The following BABAM2 variants were observed in gnomAD, a reference collection of about 807,000 sequenced individuals.
BABAM2 encodes the protein BRISC and BRCA1-A complex member 2.
Under a neutral mutation model 54.7 loss-of-function variants are expected in BABAM2, and 31 were observed. That is an observed-to-expected ratio of 0.57 (90% CI 0.43 to 0.77). BABAM2 has a LOEUF of 0.77. Among genes scored for constraint, BABAM2 ranks in the 30% least tolerant of loss-of-function variants. The probability of loss-of-function intolerance (pLI) is 0.00; values close to 1 mark genes in which losing one functional copy is unlikely to be tolerated. For synonymous variants in BABAM2, 167 were observed against 162.9 expected (o/e 1.03, Z -0.19); for missense variants, 364 against 455.8 (o/e 0.80, Z 1.83).
chr2:28,110,444 C>T (rs753629324), intron 6 of BABAM2, among the ~76,000 whole-genome samples: 2 of 151,556 alleles, frequency 1.3e-5, no homozygotes, highest in African/African-American at 2.4e-5. Context: ...GCCAACAAGG[C>T]GAAACCCCAT....
At chr2:28,310,046 G>A (rs1558520055) in intron 11 of BABAM2, 1 of 1,598,486 alleles carries the variant, frequency 6.3e-7, no homozygotes, top group Non-Finnish European at 8.6e-7. Context: ...CTTTTGAAAA[G>A]TATCTTAAAG....
intron 7 of BABAM2, among the ~76,000 whole-genome samples, chr2:28,204,432 G>A (rs188801461): frequency 6.6e-6 from 1 of 152,070 alleles, no homozygotes. Flanking sequence ...GCAAACCTTC[G>A]GGAGAAGTAT....
intron 7 of BABAM2, among the ~76,000 whole-genome samples, chr2:28,181,306 T>G (rs1675600809): frequency 6.6e-6 from 1 of 151,934 alleles, no homozygotes; most frequent in African/African-American, 2.4e-5. Context: ...CCATAAAGAG[T>G]GAAATTCTGT....
chr2:27,962,817 T>A (rs1476883171), intron 3 of BABAM2, among the ~76,000 whole-genome samples: 1 of 152,226 alleles, frequency 6.6e-6, no homozygotes, highest in Non-Finnish European at 1.5e-5. Context: ...GTCATCTAAT[T>A]TACTACCTAT....
At chr2:28,278,777 G>A (rs974001087) in intron 10 of BABAM2, among the ~76,000 whole-genome samples, 11 of 152,272 alleles carry the variant, frequency 7.2e-5, no homozygotes, top group African/African-American at 2.4e-4. Flanking sequence ...AGCAGCAGAG[G>A]GGTGAGATGA....
chr2:27,941,632 G>T (rs1036494475), intron 3 of BABAM2, among the ~76,000 whole-genome samples: 9 of 151,904 alleles, frequency 5.9e-5, no homozygotes, highest in Admixed American at 2.0e-4. Context: ...TTGTGACAGA[G>T]TGAAGAAGTC....
chr2:28,092,348 A>G (rs757629946), intron 6 of BABAM2, among the ~76,000 whole-genome samples: 16 of 152,354 alleles, frequency 1.1e-4, no homozygotes, highest in Non-Finnish European at 1.9e-4. Flanking sequence ...TTGCTAGGAC[A>G]AAGAGTGAAT....
intron 7 of BABAM2, among the ~76,000 whole-genome samples, chr2:28,152,905 G>A (rs13405885): frequency 0.62 from 94,139 of 151,966 alleles, 29,723 homozygotes; most frequent in Middle Eastern, 0.73. Flanking sequence ...TTTCTTGCCA[G>A]TGGTTCAGTC....
chr2:28,209,615 A>T (rs1180211746), intron 7 of BABAM2, among the ~76,000 whole-genome samples: 2 of 152,128 alleles, frequency 1.3e-5, no homozygotes, highest in Non-Finnish European at 2.9e-5. Context: ...TTGTCATGTT[A>T]CTCATCCATT....
chr2:28,081,262 T>C (rs1336347789), intron 6 of BABAM2, among the ~76,000 whole-genome samples: 2 of 152,182 alleles, frequency 1.3e-5, no homozygotes, highest in Non-Finnish European at 2.9e-5. Flanking sequence ...ATGTGCTTCT[T>C]CTCACAGCCC....
At chr2:27,949,271 G>A (rs1324599770) in intron 3 of BABAM2, among the ~76,000 whole-genome samples, 1 of 152,170 alleles carries the variant, frequency 6.6e-6, no homozygotes, top group African/African-American at 2.4e-5. Flanking sequence ...GGTGGCTTAC[G>A]CCTGTAATCC....
chr2:27,952,130 T>G (rs890404133), intron 3 of BABAM2, among the ~76,000 whole-genome samples: 1 of 152,244 alleles, frequency 6.6e-6, no homozygotes, highest in Non-Finnish European at 1.5e-5. Flanking sequence ...CTTGGAAATG[T>G]TGTTTGCCTT....
Position 28,304,781 on chromosome 2 carries a change from C to G in BABAM2, c.1088+6290C>G, listed in dbSNP as rs1227003114. On this transcript the variant is annotated intron_variant, in intron 11 of 11. Coordinates refer to ENST00000379624, the MANE Select transcript of BABAM2 (RefSeq NM_199191.3). The surrounding 1 kb of genome is among the most constrained non-coding windows in gnomAD (Gnocchi z 4.0). Reference sequence around the variant, plus strand: ...TTTTTTAGTAGAGACGGAGTTTTACCATGTTGCCCAGGCTGGTCTCGAACT... The same window carrying G: ...TTTTTTAGTAGAGACGGAGTTTTACGATGTTGCCCAGGCTGGTCTCGAACT... Among the ~76,000 whole-genome samples, 1 of 151,944 alleles carries G rather than the reference C, an allele frequency of 6.6e-6. No individual in the cohort carries two copies. Among genetic ancestry groups the G allele is most frequent in the East Asian group, 1.9e-4 (1 of 5,188 alleles).
chr2:28,257,709 C>A (rs1033670050), intron 10 of BABAM2, among the ~76,000 whole-genome samples: 2 of 152,010 alleles, frequency 1.3e-5, no homozygotes, highest in Admixed American at 1.3e-4. Context: ...CATTGCAAGA[C>A]CCTTTCTCTA....
chr2:28,326,572 G>A (rs1407078595), intron 11 of BABAM2, among the ~76,000 whole-genome samples: 1 of 152,180 alleles, frequency 6.6e-6, no homozygotes, highest in African/African-American at 2.4e-5. Flanking sequence ...AGCCATTCCT[G>A]CCTCTCATCA....
At chr2:27,963,278 T>C (rs1193344664) in intron 3 of BABAM2, among the ~76,000 whole-genome samples, 1 of 152,128 alleles carries the variant, frequency 6.6e-6, no homozygotes, top group Non-Finnish European at 1.5e-5. Flanking sequence ...GAGACCAGCC[T>C]GGCCAACATG....
At chr2:28,320,085 A>G (rs1332604301) in intron 11 of BABAM2, among the ~76,000 whole-genome samples, 1 of 152,178 alleles carries the variant, frequency 6.6e-6, no homozygotes, top group Admixed American at 6.5e-5. Context: ...CATGCTGGAA[A>G]TTGTATTTGA....
At chr2:27,941,303 G>C (rs1187696870) in intron 3 of BABAM2, among the ~76,000 whole-genome samples, 1 of 152,086 alleles carries the variant, frequency 6.6e-6, no homozygotes, top group African/African-American at 2.4e-5. Flanking sequence ...GGTGGCTCAC[G>C]CCTGTAATCC....
At position 28,306,995 on chromosome 2, in the gene BABAM2, C is replaced by CTTT. The variant is rs143177903; in HGVS notation, c.1088+8531_1088+8533dup. ...ACAGGCATGAGCCACCACACCTGGC[C>CTTT]TTTTTTTTTTTTTTTTTTTTTTTTT... On this transcript the variant is annotated intron_variant, in intron 11 of 11. Coordinates refer to ENST00000379624, the MANE Select transcript of BABAM2 (RefSeq NM_199191.3). Among the ~76,000 whole-genome samples the CTTT allele has an allele frequency of 7.8e-3, 205 of 26,396 alleles. 56 individuals are homozygous for CTTT. Among genetic ancestry groups the CTTT allele is most frequent in the African/African-American group, 0.015 (108 of 7,364 alleles). The allele number at this position is 26,396 out of a possible 152,430, so 17.3% of individuals were successfully genotyped here. A position where few individuals can be genotyped will look rare whatever the true frequency, so the allele number is the denominator to read the frequency against.
Sources: gnomAD v4.1 joint callset for allele counts (sites outside exome capture counted in the v4.1 genomes callset) on GRCh38, gnomAD v4.1.1 for gene constraint, Gnocchi (gnomAD v3.1) non-coding constraint, MANE v1.5 for transcripts, NCBI Gene and HGNC (gene_info 2026-07-23, HGNC 2026-07-21) for gene names.